The following EXT2 variants were observed in gnomAD, a reference collection of about 807,000 sequenced individuals.
EXT2 encodes exostosin-2.
In EXT2, 53 loss-of-function variants were observed where a neutral mutation model predicts 81.6. The observed-to-expected ratio is 0.65, with a 90% CI of 0.52 to 0.82. The LOEUF (loss-of-function observed/expected upper bound fraction) is 0.82. EXT2 is among the 40% of genes least tolerant of loss of function. The pLI, the probability that EXT2 is intolerant of heterozygous loss-of-function variation, is 0.00. For missense variants in EXT2, 774 were observed against 910.2 expected (o/e 0.85, Z 1.93); for synonymous variants, 320 against 340.0 (o/e 0.94, Z 0.65).
At chr11:44,214,432 C>G (rs1025048723) in intron 10 of EXT2, among the ~76,000 whole-genome samples, 1 of 152,040 alleles carries the variant, frequency 6.6e-6, no homozygotes, top group African/African-American at 2.4e-5. Flanking sequence ...TTTCTTCTAT[C>G]CATTCCATGT....
intron 7 of EXT2, among the ~76,000 whole-genome samples, chr11:44,155,506 A>C (rs1466960643): frequency 6.7e-6 from 1 of 150,364 alleles, no homozygotes; most frequent in African/African-American, 2.4e-5. Context: ...TTTTTTTTAT[A>C]GTTTAAGGTT....
chr11:44,234,831 C>T lies in EXT2; in HGVS notation c.1935+588C>T, dbSNP rs371009122. Among the ~76,000 whole-genome samples the T allele has an allele frequency of 3.3e-5, 5 of 152,212 alleles. No individual in the cohort carries two copies. The East Asian group carries it at 9.6e-4, about 29-fold the overall frequency. The stretch of plus-strand genomic sequence containing the variant: ...AATTTAGACATTGCTCAAATAAGAT[C>T]CCTAGATATGTAGAGAAGGTACACT... On this transcript the variant is annotated intron_variant, in intron 12 of 13. Transcript: ENST00000533608.
intron 7 of EXT2, among the ~76,000 whole-genome samples, chr11:44,139,899 G>A (rs1000103115): frequency 9.9e-5 from 15 of 152,280 alleles, no homozygotes; most frequent in Non-Finnish European, 1.8e-4. Context: ...TCAGGCAGGC[G>A]TGTGAAACTT....
intron 10 of EXT2, among the ~76,000 whole-genome samples, chr11:44,211,837 G>A (rs547352924): frequency 1.3e-5 from 2 of 152,152 alleles, no homozygotes; most frequent in Non-Finnish European, 2.9e-5. Flanking sequence ...CTTCTACAAT[G>A]TAAATGTTTA....
intron 7 of EXT2, among the ~76,000 whole-genome samples, chr11:44,134,278 T>C (rs1266105774): frequency 6.6e-6 from 1 of 152,180 alleles, no homozygotes; most frequent in African/African-American, 2.4e-5. Context: ...CCCTAATGTT[T>C]TTTGGTGGGG....
chr11:44,189,582 C>A (rs972985449), intron 8 of EXT2, among the ~76,000 whole-genome samples: 1 of 152,114 alleles, frequency 6.6e-6, no homozygotes, highest in African/African-American at 2.4e-5. Context: ...GGGGGAGGTA[C>A]TACACACTTC....
At chr11:44,200,635 C>T (rs1955511600) in intron 9 of EXT2, among the ~76,000 whole-genome samples, 1 of 152,150 alleles carries the variant, frequency 6.6e-6, no homozygotes, top group Non-Finnish European at 1.5e-5. Context: ...AACCAGCAGC[C>T]ACCTTCCTTT....
intron 1 of EXT2, among the ~76,000 whole-genome samples, chr11:44,096,518 G>A (rs1953900351): frequency 6.6e-6 from 1 of 151,880 alleles, no homozygotes; most frequent in Non-Finnish European, 1.5e-5. Flanking sequence ...GGGCCTGTCA[G>A]GACGGGGCAG....
chr11:44,124,757 A>G, intron 4 of EXT2, 32 bp from the exon 5 acceptor site: 1 of 1,608,010 alleles, frequency 6.2e-7, no homozygotes, highest in Non-Finnish European at 8.5e-7. Flanking sequence ...ACCAGCTGCA[A>G]TTTTCCAATC....
rs1030944118 is a variant in EXT2 at position 44,250,565 on chromosome 11, C to T, written c.*6278C>T. 6.6e-6 allele frequency among the ~76,000 whole-genome samples: 1 copy of T among 152,208 alleles called. No homozygotes were observed. Among genetic ancestry groups the T allele is most frequent in the Non-Finnish European group, 1.5e-5 (1 of 68,040 alleles). Reference sequence around the variant, plus strand: ...TGGGGGTCTGGATCCTATCTGGCCCCGTCAGGGTGGATTACCAAATGAGCA... The same window carrying T: ...TGGGGGTCTGGATCCTATCTGGCCCTGTCAGGGTGGATTACCAAATGAGCA... On this transcript the variant is annotated 3_prime_UTR_variant, in exon 14 of 14. Coordinates refer to ENST00000533608, the MANE Select transcript of EXT2 (RefSeq NM_207122.2).
At chr11:44,148,924 A>G (rs747784202) in intron 7 of EXT2, among the ~76,000 whole-genome samples, 4 of 152,198 alleles carry the variant, frequency 2.6e-5, no homozygotes, top group Non-Finnish European at 5.9e-5. Flanking sequence ...TTTGTCTTTT[A>G]CACTGAGGTA....
At position 44,249,338 on chromosome 11, in the gene EXT2, G is replaced by A. The variant is rs1956121976; in HGVS notation, c.*5051G>A. Among the ~76,000 whole-genome samples, 1 of 152,126 alleles carries A rather than the reference G, an allele frequency of 6.6e-6. No individual in the cohort carries two copies. ...TCCTTTCTTCTGCTCTCAGTTGGTT[G>A]GACCACTGGTTGCATCTCTTCCCAC... On this transcript the variant is annotated 3_prime_UTR_variant, in exon 14 of 14. Transcript: ENST00000533608.
intron 1 of EXT2, among the ~76,000 whole-genome samples, chr11:44,102,926 C>A (rs1954006819): frequency 1.3e-5 from 2 of 151,934 alleles, no homozygotes; most frequent in African/African-American, 4.8e-5. Context: ...TTGCTTCGTA[C>A]AGTTTATTCT....
intron 1 of EXT2, 87 bp downstream of exon 1, chr11:44,095,939 GGCCGAGGGAGCGCGGCC>G: frequency 2.5e-6 from 1 of 397,130 alleles, no homozygotes; most frequent in East Asian, 6.2e-5. Flanking sequence ...TCGGGACAAG[GGCCGAGGGAGCGCGGCC>G]GCGCGGAGGC....
intron 8 of EXT2, among the ~76,000 whole-genome samples, chr11:44,193,374 A>G (rs1955416804): frequency 6.6e-6 from 1 of 152,216 alleles, no homozygotes; most frequent in South Asian, 2.1e-4. Flanking sequence ...CATTGGCTAC[A>G]ATTTATTGAA....
intron 4 of EXT2, among the ~76,000 whole-genome samples, chr11:44,117,992 C>G (rs960532541): frequency 6.6e-6 from 1 of 152,136 alleles, no homozygotes; most frequent in Non-Finnish European, 1.5e-5. Flanking sequence ...CAGAGTTTTC[C>G]TGACTATTCA....
rs1955589748 is a variant in EXT2 at position 44,206,881 on chromosome 11, A to G, written c.1584A>G (p.Glu528=). ...GTAACCGTTTCTTCCCTTATGATGA[A>G]ATCGAGACAGAAGCTGTTCTGGCCA... is the stretch of plus-strand genomic sequence containing the variant. ...KLSNRFFPYD[E]IETEAVLAID... The change falls in exon 10 of 14, where the codon GAA becomes GAG. Residue 528 remains glutamate (E), a synonymous_variant. Transcript: ENST00000533608. 1.2e-6 allele frequency: 2 copies of G among 1,614,164 alleles called. No individual in the cohort carries two copies. Among genetic ancestry groups the G allele is most frequent in the Non-Finnish European group, 1.7e-6 (2 of 1,180,030 alleles).
chr11:44,132,955 G>A (rs1954515428), intron 7 of EXT2, among the ~76,000 whole-genome samples: 1 of 152,066 alleles, frequency 6.6e-6, no homozygotes. Flanking sequence ...GAGATTATCT[G>A]GTTAAAGTAA....
At chr11:44,111,400 A>T (rs577838789) in intron 3 of EXT2, among the ~76,000 whole-genome samples, 1 of 152,294 alleles carries the variant, frequency 6.6e-6, no homozygotes, top group South Asian at 2.1e-4. Flanking sequence ...TTAAAATATG[A>T]TGTGTTTTTC....
Sources: gnomAD v4.1 joint callset for allele counts (sites outside exome capture counted in the v4.1 genomes callset) on GRCh38, gnomAD v4.1.1 for gene constraint, MANE v1.5 for transcripts, NCBI Gene and HGNC (gene_info 2026-07-23, HGNC 2026-07-21) for gene names.